Variants in BAG6 observed in about 807,000 individuals in gnomAD.
BAG6 encodes the protein large proline-rich protein BAG6.
In BAG6, 22 loss-of-function variants were observed where a neutral mutation model predicts 121.0. The ratio of observed to expected loss-of-function variants is 0.18; its 90% CI spans 0.13 to 0.26. The LOEUF is 0.26. BAG6 is among the 10% of genes least tolerant of loss of function. The probability of loss-of-function intolerance (pLI) is 1.00; values close to 1 mark genes in which losing one functional copy is unlikely to be tolerated. For missense variants in BAG6, 1,233 were observed against 1,537.7 expected (o/e 0.80, Z 3.31); for synonymous variants, 583 against 584.6 (o/e 1.00, Z 0.04).
rs1294996146 is a variant in BAG6, at chr6:31,642,360, G to A, written c.2087C>T (p.Pro696Leu). ...APPPPPPPPP[P>L]PPAPEQQTMP... ...GGTCTGCTGCTCTGGGGCAGGTGGT[G>A]GGGGTGGAGGAGGTGGGGGTGGTGG... Residue 696 changes from proline (P) to leucine (L), a missense_variant, in exon 16 of 26, where the codon CCA becomes CTA. Pro to Leu is a moderately conservative substitution (Grantham distance 98). Transcript: ENST00000676615. 2.0e-6 allele frequency: 3 copies of A among 1,472,558 alleles called. No individual in the cohort carries two copies. Among genetic ancestry groups the A allele is most frequent in the African/African-American group, 1.4e-5 (1 of 71,114 alleles). 91.2% of individuals were successfully genotyped at this position (1,472,558 alleles called of 1,614,324 possible).
rs1392923703 is a variant in BAG6, at chr6:31,651,754, T to C, written c.10A>G (p.Asn4Asp). The C allele has an allele frequency of 1.5e-5, 24 of 1,612,992 alleles. No homozygotes were observed. Among genetic ancestry groups the C allele is most frequent in the Non-Finnish European group, 1.9e-5 (23 of 1,179,986 alleles). MEP[N>D]DSTSTAVEEP... is the part of the protein sequence containing the mutation. ...TCCACAGCGGTACTGGTACTATCAT[T>C]AGGCTCCATGGCCGACAGGTCTCTA... The change falls in exon 2 of 26, where the codon AAT (asparagine) becomes GAT (aspartate). Residue 4 changes from asparagine (N) to aspartate (D), a missense_variant. Around this residue, in one of 7 missense-constraint regions of BAG6, gnomAD observed 25 missense variants for 16.5 expected, o/e 1.52. Transcript: ENST00000676615.
At position 31,641,839 on chromosome 6, in the gene BAG6, C is replaced by T. The variant is rs1420607509; in HGVS notation, c.2442G>A (p.Gln814=). The change falls in exon 17 of 26, where the codon CAG becomes CAA. Residue 814 remains glutamine, a synonymous_variant. Transcript: ENST00000676615. This position sits in a 1 kb window ranked among gnomAD's most constrained non-coding sequence, Gnocchi z 5.7. ...HFQPLQRLQP[Q]LRSFFHQHYL... is the part of the protein sequence containing the mutation. The stretch of plus-strand genomic sequence containing the variant: ...AGTGCTGGTGGAAGAAGGATCGCAG[C>T]TGGGGCTGGAGCCGTTGTAGTGGCT... 2 of 1,612,976 alleles carry T rather than the reference C, an allele frequency of 1.2e-6. No individual in the cohort carries two copies. The highest frequency in any genetic ancestry group is 1.7e-6 in the Non-Finnish European group (2 of 1,180,042).
At chr6:31,649,044 C>G (rs1793376559) in intron 4 of BAG6, 80 bp from the exon 5 acceptor site, 4 of 1,499,946 alleles carry the variant, frequency 2.7e-6, no homozygotes. Flanking sequence ...CCCTGGAGCC[C>G]TACCTCCTTT....
At chr6:31,645,733 T>C in intron 8 of BAG6, 129 bp from the exon 9 acceptor site, 1 of 1,110,594 alleles carries the variant, frequency 9.0e-7, no homozygotes, top group Non-Finnish European at 1.3e-6. Flanking sequence ...CTTGGAAGTT[T>C]ACATGTAGAC....
chr6:31,646,766 GTTTTTT>G lies in BAG6; in HGVS notation c.789-249_789-244del, dbSNP rs66820473. Among the ~76,000 whole-genome samples, 13 of 60,650 alleles carry G rather than the reference GTTTTTT, an allele frequency of 2.1e-4. No homozygotes were observed. The South Asian group carries it at 8.5e-3, about 40-fold the overall frequency. The allele number at this position is 60,650 out of a possible 152,430, so 39.8% of individuals were successfully genotyped here. On this transcript the variant is annotated intron_variant, in intron 7 of 25. Coordinates refer to ENST00000676615, the MANE Select transcript of BAG6 (RefSeq NM_001387994.1). The stretch of plus-strand genomic sequence containing the variant: ...CTGCCACCACACCCGGCTAATTTTT[GTTTTTT>G]TTTTTTTTTTTTTTTTTTTGAGACA...
chr6:31,645,685 C>T (rs1788323548), intron 8 of BAG6, 81 bp from the exon 9 acceptor site: 1 of 1,507,598 alleles, frequency 6.6e-7, no homozygotes, highest in African/African-American at 1.4e-5. Context: ...ATAATGCCTA[C>T]TGAGAATACC....
chr6:31,652,319 A>C (rs1001164231), intron 1 of BAG6, 105 bp downstream of exon 1: 2 of 131,334 alleles, frequency 1.5e-5, no homozygotes, highest in African/African-American at 7.1e-5. Context: ...ACCCACAGCC[A>C]AACACACACA....
chr6:31,645,049 G>A lies in BAG6; in HGVS notation c.1266C>T (p.Pro422=), dbSNP rs1192006551. 11 of 1,612,770 alleles carry A rather than the reference G, an allele frequency of 6.8e-6. No individual in the cohort carries two copies. Among genetic ancestry groups the A allele is most frequent in the Non-Finnish European group, 9.3e-6 (11 of 1,179,984 alleles). The part of the protein sequence containing the change: ...TNVESSAEGA[P]PPGPAPPPAT... ...CTGGCGGGGGAGCTGGACCTGGCGG[G>A]GGAGCCCCCTCAGCTGAGGACTCGA... The change falls in exon 10 of 26, where the codon CCC becomes CCT. Residue 422 remains proline, a synonymous_variant. Coordinates refer to ENST00000676615, the MANE Select transcript of BAG6 (RefSeq NM_001387994.1).
In BAG6 at chr6:31,640,588, C is replaced by T; in HGVS notation, c.2994+57G>A. 1 of 1,612,670 alleles carries T rather than the reference C, an allele frequency of 6.2e-7. No individual in the cohort carries two copies. Among genetic ancestry groups the T allele is most frequent in the African/African-American group, 1.3e-5 (1 of 75,026 alleles). On this transcript the variant is annotated intron_variant, in intron 22 of 25. Transcript: ENST00000676615. This position sits in a 1 kb window ranked among gnomAD's most constrained non-coding sequence, Gnocchi z 4.2. Reference sequence around the variant, plus strand: ...GAATTTTTAGCCTCCAAACCTTTCTCCCCCAGCCCTCCACTCCACATTATC... The same window carrying T: ...GAATTTTTAGCCTCCAAACCTTTCTTCCCCAGCCCTCCACTCCACATTATC...
chr6:31,641,743 A>C lies in BAG6; in HGVS notation c.2505+33T>G. On this transcript the variant is annotated intron_variant, in intron 17 of 25. Coordinates refer to ENST00000676615, the MANE Select transcript of BAG6 (RefSeq NM_001387994.1). This position sits in a 1 kb window ranked among gnomAD's most constrained non-coding sequence, Gnocchi z 5.7. Reference sequence around the variant, plus strand: ...AAATAAGGAATAAAATGTGCAAAAGAGGAGAGTTCTGGGGCCCCTGGCCTT... The same window carrying C: ...AAATAAGGAATAAAATGTGCAAAAGCGGAGAGTTCTGGGGCCCCTGGCCTT... 2 of 1,612,204 alleles carry C rather than the reference A, an allele frequency of 1.2e-6. No homozygotes were observed. The highest frequency in any genetic ancestry group is 2.7e-5 in the African/African-American group (2 of 74,884).
chr6:31,643,853 G>C (rs763100374), intron 14 of BAG6, 37 bp downstream of exon 14: 2 of 1,601,788 alleles, frequency 1.2e-6, no homozygotes, highest in Non-Finnish European at 1.7e-6. Context: ...ACTAGGAAAG[G>C]AGTTTAAACT....
intron 7 of BAG6, among the ~76,000 whole-genome samples, chr6:31,646,745 C>T (rs1288826571): frequency 6.6e-6 from 1 of 151,176 alleles, no homozygotes; most frequent in Non-Finnish European, 1.5e-5. Context: ...AGTTGCCTGC[C>T]ACCACACCCG....
chr6:31,648,819 C>A (rs1381056238), intron 5 of BAG6, 68 bp from the exon 6 acceptor site: 1 of 1,599,262 alleles, frequency 6.3e-7, no homozygotes, highest in Non-Finnish European at 8.5e-7. Flanking sequence ...CCTACTAAAT[C>A]AGGTCCCAGC....
rs764712073 is a variant in BAG6, at chr6:31,649,272, G to C, written c.350C>G (p.Thr117Ser). Residue 117 changes from threonine (T) to serine (S), a missense_variant, in exon 4 of 26, where the codon ACT (threonine) becomes AGT (serine). Around this residue, in one of 7 missense-constraint regions of BAG6, gnomAD observed 777 missense variants for 861.4 expected, o/e 0.90. Coordinates refer to ENST00000676615, the MANE Select transcript of BAG6 (RefSeq NM_001387994.1). The part of the protein sequence containing the change: ...ATHGGGSPPG[T>S]RGPGASVHDR... Reference sequence around the variant, plus strand: ...ATGAACAGAGGCCCCAGGCCCCCGAGTACCAGGGGGGGATCCCCCACCATG... The same window carrying C: ...ATGAACAGAGGCCCCAGGCCCCCGACTACCAGGGGGGGATCCCCCACCATG... 1 of 1,613,080 alleles carries C rather than the reference G, an allele frequency of 6.2e-7. No individual in the cohort carries two copies. The highest frequency in any genetic ancestry group is 1.7e-5 in the Admixed American group (1 of 60,016).
At chr6:31,643,744 AAAG>A in intron 14 of BAG6, 143 bp downstream of exon 14, 1 of 599,552 alleles carries the variant, frequency 1.7e-6, no homozygotes, top group South Asian at 2.5e-5. Flanking sequence ...AAAAAAAAAA[AAAG>A]CTGAAACCTG....
At chr6:31,642,718 A>G in intron 15 of BAG6, 111 bp downstream of exon 15, 3 of 1,293,026 alleles carry the variant, frequency 2.3e-6, no homozygotes, top group South Asian at 1.3e-5. Flanking sequence ...CCCTTCCCCT[A>G]ACATGTCACT....
At chr6:31,643,753 ACC>A in intron 14 of BAG6, 135 bp downstream of exon 14, 1 of 623,478 alleles carries the variant, frequency 1.6e-6, no homozygotes, top group East Asian at 3.0e-5. Context: ...AAAAGCTGAA[ACC>A]TGAAGACACA....
chr6:31,648,746 C>A lies in BAG6; in HGVS notation c.483G>T (p.Glu161Asp). The A allele has an allele frequency of 6.2e-7, 1 of 1,614,084 alleles. No homozygotes were observed. Among genetic ancestry groups the A allele is most frequent in the Non-Finnish European group, 8.5e-7 (1 of 1,180,022 alleles). ...GAGCCATCACCAGCCGTACCCGGGG[C>A]TCACTCTACAATGAGAGAAGGTTTA... Reference protein sequence around the residue: ...INMEQAPIQSEPRVRLVMAQH... With the variant: ...INMEQAPIQSDPRVRLVMAQH... Residue 161 changes from glutamate (E) to aspartate (D), a missense_variant, in exon 6 of 26, where the codon GAG (glutamate) becomes GAT (aspartate). Coordinates refer to ENST00000676615, the MANE Select transcript of BAG6 (RefSeq NM_001387994.1).
At position 31,644,958 on chromosome 6, in the gene BAG6, T is replaced by C. The variant is rs1184702288; in HGVS notation, c.1357A>G (p.Met453Val). The C allele has an allele frequency of 6.3e-6, 10 of 1,586,376 alleles. No homozygotes were observed. Among genetic ancestry groups the C allele is most frequent in the South Asian group, 3.4e-5 (3 of 87,204 alleles). The change falls in exon 10 of 26, where the codon ATG becomes GTG. Residue 453 changes from methionine to valine, a missense_variant. Physicochemically the swap from Met to Val is conservative, Grantham distance 21. Coordinates refer to ENST00000676615, the MANE Select transcript of BAG6 (RefSeq NM_001387994.1). The surrounding 1 kb of genome is among the most constrained non-coding windows in gnomAD (Gnocchi z 4.9). ...QSVEPVVMMH[M>V]NIQDSGTQPG... is the part of the protein sequence containing the mutation. ...CAACTATTCTCACCTTGAATGTTCATGTGCATCATGACCACGGGTTCCACA... is the reference window on the plus strand; with the variant it reads ...CAACTATTCTCACCTTGAATGTTCACGTGCATCATGACCACGGGTTCCACA...
Sources: allele counts gnomAD v4.1 joint callset (sites outside exome capture counted in the v4.1 genomes callset), GRCh38; gene constraint gnomAD v4.1.1; regional missense constraint gnomAD v4.1.1; non-coding constraint Gnocchi (gnomAD v3.1); transcripts MANE v1.5; gene names NCBI Gene and HGNC (gene_info 2026-07-23, HGNC 2026-07-21).